The following LIN28B variants were observed in gnomAD, a reference collection of about 807,000 sequenced individuals.
The protein encoded by LIN28B is protein lin-28 homolog B.
In LIN28B, 5 loss-of-function variants were observed where a neutral mutation model predicts 21.9. The ratio of observed to expected loss-of-function variants is 0.23; its 90% confidence interval spans 0.12 to 0.48. The LOEUF (loss-of-function observed/expected upper bound fraction) is 0.48, where lower values mean the gene tolerates loss of function less well. Among genes scored for constraint, LIN28B ranks in the 20% least tolerant of loss-of-function variants. The pLI is 0.98. For missense variants in LIN28B, 245 were observed against 310.5 expected (o/e 0.79, Z 1.58); for synonymous variants, 109 against 111.3 (o/e 0.98, Z 0.13).
intron 2 of LIN28B, among the ~76,000 whole-genome samples, chr6:105,004,175 C>A: frequency 6.6e-6 from 1 of 152,148 alleles, no homozygotes; most frequent in African/African-American, 2.4e-5. Context: ...TCACTGGCAG[C>A]TGATGAGATG....
intron 3 of LIN28B, among the ~76,000 whole-genome samples, chr6:105,066,323 A>G (rs1482763015): frequency 1.3e-5 from 2 of 152,218 alleles, no homozygotes; most frequent in African/African-American, 4.8e-5. Flanking sequence ...TATTAGTTGC[A>G]TCAAAGGTAA....
chr6:104,970,768 C>CATA (rs1769960895), intron 2 of LIN28B, among the ~76,000 whole-genome samples: 1 of 151,966 alleles, frequency 6.6e-6, no homozygotes, highest in Non-Finnish European at 1.5e-5. Flanking sequence ...GAAAGAAATA[C>CATA]GTTATAGGAC....
chr6:104,957,042 GC>G (rs1483786814), upstream of LIN28B: 28 of 1,421,914 alleles, frequency 2.0e-5, no homozygotes, highest in Non-Finnish European at 2.6e-5. Flanking sequence ...TAGCAAGAAA[GC>G]ATGTAATTGA....
chr6:105,002,473 G>A lies in LIN28B; in HGVS notation c.199-23825G>A, dbSNP rs181771458. ...CTCTAGGACTGCATTATCCGAAATG[G>A]TAATTCATGCCCATCTACGGCTGTT... On this transcript the variant is annotated intron_variant, in intron 2 of 3. Coordinates refer to ENST00000345080, the MANE Select transcript of LIN28B (RefSeq NM_001004317.4). Among the ~76,000 whole-genome samples the A allele has an allele frequency of 1.8e-3, 267 of 152,174 alleles. 1 individual carries two copies. Among genetic ancestry groups the A allele is most frequent in the Middle Eastern group, 6.8e-3 (2 of 294 alleles).
intron 2 of LIN28B, among the ~76,000 whole-genome samples, chr6:104,999,567 A>G (rs1371953327): frequency 1.3e-5 from 2 of 152,278 alleles, no homozygotes; most frequent in East Asian, 3.8e-4. Flanking sequence ...AAAGAATTAG[A>G]AACATGTTCA....
At chr6:105,075,059 C>T (rs1257461811) in intron 3 of LIN28B, among the ~76,000 whole-genome samples, 20 of 152,130 alleles carry the variant, frequency 1.3e-4, no homozygotes, top group Admixed American at 1.3e-3. Context: ...GCCATTGGTT[C>T]AGCATTTAAT....
intron 2 of LIN28B, among the ~76,000 whole-genome samples, chr6:104,992,073 T>A (rs187165920): frequency 5.7e-3 from 863 of 151,942 alleles, no homozygotes; most frequent in Non-Finnish European, 8.0e-3. Flanking sequence ...ACATCTTGTT[T>A]TTTTTTTTTG....
intron 2 of LIN28B, among the ~76,000 whole-genome samples, chr6:104,976,825 A>T (rs992319188): frequency 1.3e-5 from 2 of 152,194 alleles, no homozygotes; most frequent in Non-Finnish European, 2.9e-5. Context: ...GAGGTGGAAG[A>T]TGAAGCTCAA....
At chr6:105,038,446 G>T (rs956214151) in intron 3 of LIN28B, among the ~76,000 whole-genome samples, 10 of 152,188 alleles carry the variant, frequency 6.6e-5, no homozygotes, top group African/African-American at 2.2e-4. Context: ...GCCAACAGTT[G>T]GGAAAACAAG....
chr6:105,038,976 T>C (rs1308632665), intron 3 of LIN28B, among the ~76,000 whole-genome samples: 1 of 152,180 alleles, frequency 6.6e-6, no homozygotes, highest in African/African-American at 2.4e-5. Context: ...ATAGAGCAAT[T>C]TGGCAATATC....
intron 2 of LIN28B, among the ~76,000 whole-genome samples, chr6:104,968,736 T>C (rs1322973320): frequency 6.6e-6 from 1 of 152,190 alleles, no homozygotes; most frequent in East Asian, 1.9e-4. Flanking sequence ...CCATTAGAGA[T>C]AGTGAATAGA....
At chr6:105,048,726 C>T (rs1233723020) in intron 3 of LIN28B, among the ~76,000 whole-genome samples, 3 of 152,138 alleles carry the variant, frequency 2.0e-5, no homozygotes, top group Non-Finnish European at 4.4e-5. Flanking sequence ...GATTCAACTT[C>T]TTGCTGGTTT....
chr6:104,944,021 A>G (rs972360015), intron 2 of LIN28B, among the ~76,000 whole-genome samples: 11 of 152,320 alleles, frequency 7.2e-5, no homozygotes, highest in African/African-American at 2.6e-4. Context: ...CAAGACAGCC[A>G]TATTGGTCCC....
At chr6:104,982,432 T>TG (rs1443019460) in intron 2 of LIN28B, among the ~76,000 whole-genome samples, 1 of 152,238 alleles carries the variant, frequency 6.6e-6, no homozygotes, top group African/African-American at 2.4e-5. Flanking sequence ...GTGTGGTACA[T>TG]TAGTTATTGT....
chr6:105,037,093 A>G (rs1049538755), intron 3 of LIN28B, among the ~76,000 whole-genome samples: 11 of 152,232 alleles, frequency 7.2e-5, no homozygotes, highest in African/African-American at 2.7e-4. Flanking sequence ...TCTGCTAACT[A>G]TGACATCCAA....
At chr6:105,055,501 G>C (rs559589342) in intron 3 of LIN28B, among the ~76,000 whole-genome samples, 1 of 152,304 alleles carries the variant, frequency 6.6e-6, no homozygotes, top group East Asian at 1.9e-4. Flanking sequence ...CATGTGCACA[G>C]GTTGAGGCCC....
chr6:105,029,144 G>A (rs1363197482), intron 3 of LIN28B, among the ~76,000 whole-genome samples: 4 of 152,178 alleles, frequency 2.6e-5, no homozygotes, highest in Admixed American at 2.6e-4. Flanking sequence ...TTCGTGGGTT[G>A]TGTTCAATAC....
intron 2 of LIN28B, among the ~76,000 whole-genome samples, chr6:105,018,365 A>G (rs1771070567): frequency 1.3e-5 from 2 of 152,156 alleles, no homozygotes; most frequent in Non-Finnish European, 2.9e-5. Flanking sequence ...CTCACTTCAC[A>G]ATGATACACT....
intron 2 of LIN28B, among the ~76,000 whole-genome samples, chr6:104,995,909 A>AT (rs1770589634): frequency 1.3e-5 from 2 of 151,390 alleles, no homozygotes; most frequent in African/African-American, 4.8e-5. Context: ...TTAGATAACT[A>AT]TGTCTTCTGA....
Sources: gnomAD v4.1 joint callset for allele counts (sites outside exome capture counted in the v4.1 genomes callset) on GRCh38, gnomAD v4.1.1 for gene constraint, MANE v1.5 for transcripts, NCBI Gene and HGNC (gene_info 2026-07-23, HGNC 2026-07-21) for gene names.